Variants in ZNF407 observed in about 807,000 individuals in gnomAD.
The protein encoded by ZNF407 is zinc finger protein 407.
In ZNF407, 17 loss-of-function variants were observed where a neutral mutation model predicts 131.2. That is an observed-to-expected ratio of 0.13 (90% confidence interval 0.09 to 0.19). The LOEUF is 0.19. ZNF407 is among the 10% of genes least tolerant of loss of function. ZNF407 has a pLI of 1.00. For synonymous variants in ZNF407, 1,156 were observed against 1,062.0 expected, an observed-to-expected ratio of 1.09 and a Z score of -1.72; for missense variants, 2,681 against 2,830.6, an observed-to-expected ratio of 0.95 and a Z score of 1.20.
intron 3 of ZNF407, among the ~76,000 whole-genome samples, chr18:74,739,509 T>C (rs1451553315): frequency 6.6e-6 from 1 of 151,532 alleles, no homozygotes; most frequent in Non-Finnish European, 1.5e-5. Context: ...TTTATTTATA[T>C]TTATATATAT....
intron 4 of ZNF407, among the ~76,000 whole-genome samples, chr18:74,812,925 A>AT (rs1410355708): frequency 7.3e-5 from 11 of 151,482 alleles, no homozygotes; most frequent in Non-Finnish European, 1.5e-5. Flanking sequence ...TGCTCACCAG[A>AT]TTTTTTCATG....
chr18:75,042,920 G>A (rs1364561806), intron 8 of ZNF407, among the ~76,000 whole-genome samples: 3 of 152,162 alleles, frequency 2.0e-5, no homozygotes, highest in Non-Finnish European at 2.9e-5. Flanking sequence ...TCGCATGCGT[G>A]TACCAGTATG....
Position 74,654,675 on chromosome 18 carries a change from A to G in ZNF407, c.4802+13553A>G, listed in dbSNP as rs535685627. Among the ~76,000 whole-genome samples, 10 of 151,972 alleles carry G rather than the reference A, an allele frequency of 6.6e-5. No individual in the cohort carries two copies. In the South Asian group the frequency reaches 2.1e-3, roughly 31 times the overall value. On this transcript the variant is annotated intron_variant, in intron 3 of 8. Coordinates refer to ENST00000299687, the MANE Select transcript of ZNF407 (RefSeq NM_017757.3). ...AACATGTTAAACTACTACATAATATATCTTTACAAATTTGAGATCATGAGG... is the reference window on the plus strand; with the variant it reads ...AACATGTTAAACTACTACATAATATGTCTTTACAAATTTGAGATCATGAGG...
intron 3 of ZNF407, among the ~76,000 whole-genome samples, chr18:74,666,545 TGGATG>T (rs1484012829): frequency 6.6e-6 from 1 of 152,058 alleles, no homozygotes; most frequent in African/African-American, 2.4e-5. Context: ...TTACCTCCTT[TGGATG>T]GAACTATCCT....
intron 1 of ZNF407, among the ~76,000 whole-genome samples, chr18:74,624,652 C>T (rs1188172930): frequency 6.6e-6 from 1 of 152,170 alleles, no homozygotes; most frequent in Non-Finnish European, 1.5e-5. Context: ...TAATATGGAG[C>T]CTTCTGTGAT....
intron 4 of ZNF407, among the ~76,000 whole-genome samples, chr18:74,873,644 G>T (rs74703395): frequency 0.017 from 2,597 of 152,144 alleles, 42 homozygotes; most frequent in Middle Eastern, 0.038. Context: ...AGGAGGTCCT[G>T]AGGCTGCAGT....
intron 8 of ZNF407, among the ~76,000 whole-genome samples, chr18:74,998,528 A>G (rs1972804817): frequency 6.6e-6 from 1 of 152,184 alleles, no homozygotes. Flanking sequence ...ATTTTTTTCA[A>G]TTAACGAAGG....
intron 3 of ZNF407, among the ~76,000 whole-genome samples, chr18:74,762,210 A>C (rs1969111336): frequency 6.6e-6 from 1 of 152,114 alleles, no homozygotes; most frequent in African/African-American, 2.4e-5. Context: ...TGTACATGCC[A>C]AGTCAGGGGT....
At chr18:74,598,123 C>G (rs891482538) in intron 1 of ZNF407, 186 bp downstream of exon 1, 4 of 139,958 alleles carry the variant, frequency 2.9e-5, no homozygotes, top group Admixed American at 2.2e-4. Flanking sequence ...CGCCTTCCTT[C>G]CCGACACCCG....
At chr18:74,636,284 T>G (rs1283663003) in intron 2 of ZNF407, among the ~76,000 whole-genome samples, 1 of 152,224 alleles carries the variant, frequency 6.6e-6, no homozygotes, top group Non-Finnish European at 1.5e-5. Flanking sequence ...GTCTCTGTGC[T>G]CTGTCACAGT....
At chr18:74,964,542 A>G (rs994642005) in intron 8 of ZNF407, among the ~76,000 whole-genome samples, 2 of 149,068 alleles carry the variant, frequency 1.3e-5, no homozygotes, top group Non-Finnish European at 3.0e-5. Flanking sequence ...CTACAAATGA[A>G]TCATCTGAAA....
At chr18:74,608,646 C>T (rs1454781940) in intron 1 of ZNF407, among the ~76,000 whole-genome samples, 2 of 152,166 alleles carry the variant, frequency 1.3e-5, no homozygotes, top group East Asian at 3.9e-4. Flanking sequence ...CGCGCCTGGC[C>T]AGTTCCTTTA....
At chr18:74,774,863 A>G (rs1328869214) in intron 3 of ZNF407, among the ~76,000 whole-genome samples, 1 of 152,186 alleles carries the variant, frequency 6.6e-6, no homozygotes, top group Non-Finnish European at 1.5e-5. Context: ...GAAAAGTGTC[A>G]TCTCAGTAAC....
chr18:74,970,695 G>A (rs994911079), intron 8 of ZNF407, among the ~76,000 whole-genome samples: 1 of 152,220 alleles, frequency 6.6e-6, no homozygotes, highest in Non-Finnish European at 1.5e-5. Context: ...CTGCTTTCCT[G>A]GGCTGGTGTT....
chr18:74,757,696 TTA>T (rs1445116602), intron 3 of ZNF407, among the ~76,000 whole-genome samples: 2 of 152,134 alleles, frequency 1.3e-5, no homozygotes, highest in African/African-American at 4.8e-5. Context: ...CTTTCATTGT[TTA>T]TGTTTCACAT....
chr18:74,635,941 C>T lies in ZNF407; in HGVS notation c.4687+235C>T, dbSNP rs532306395. 3.3e-5 allele frequency among the ~76,000 whole-genome samples: 5 copies of T among 152,212 alleles called. No homozygotes were observed. The South Asian group carries it at 8.3e-4, about 25-fold the overall frequency. On this transcript the variant is annotated intron_variant, in intron 2 of 8. Coordinates refer to ENST00000299687, the MANE Select transcript of ZNF407 (RefSeq NM_017757.3). This position sits in a 1 kb window ranked among gnomAD's most constrained non-coding sequence, Gnocchi z 4.7. The stretch of plus-strand genomic sequence containing the variant: ...GCTGACAAGTTTCTTTTAATTTTGT[C>T]AAAAAGCCTAGTCCCTCTGATGCCT...
At chr18:75,031,913 T>A (rs1383345200) in intron 8 of ZNF407, among the ~76,000 whole-genome samples, 2 of 152,212 alleles carry the variant, frequency 1.3e-5, no homozygotes, top group African/African-American at 4.8e-5. Context: ...TTGGCAATTT[T>A]TAGCAGCTGA....
At chr18:74,946,019 C>T (rs1032968980) in intron 8 of ZNF407, among the ~76,000 whole-genome samples, 2 of 152,156 alleles carry the variant, frequency 1.3e-5, no homozygotes, top group Admixed American at 6.5e-5. Flanking sequence ...CCCATAGCAC[C>T]GTCACCCCCA....
intron 3 of ZNF407, among the ~76,000 whole-genome samples, chr18:74,736,018 A>T (rs1393663473): frequency 6.6e-6 from 1 of 152,226 alleles, no homozygotes; most frequent in Non-Finnish European, 1.5e-5. Context: ...AACTTGCAGA[A>T]TGCAAGGAAA....
Sources: allele counts gnomAD v4.1 joint callset (sites outside exome capture counted in the v4.1 genomes callset), GRCh38; gene constraint gnomAD v4.1.1; non-coding constraint Gnocchi (gnomAD v3.1); transcripts MANE v1.5; gene names NCBI Gene and HGNC (gene_info 2026-07-23, HGNC 2026-07-21).